Variants in CCSER1 observed in about 807,000 individuals in gnomAD.
CCSER1 encodes the protein coiled-coil serine rich protein 1, also known as serine-rich coiled-coil domain-containing protein 1.
In CCSER1, 41 loss-of-function variants were observed where a neutral mutation model predicts 82.0. The ratio of observed to expected loss-of-function variants is 0.50; its 90% confidence interval spans 0.39 to 0.65. CCSER1 has a LOEUF of 0.65. Among genes scored for constraint, CCSER1 ranks in the 30% least tolerant of loss-of-function variants. The pLI, the probability that CCSER1 is intolerant of heterozygous loss-of-function variation, is 0.00. For synonymous variants in CCSER1, 414 were observed against 383.9 expected (o/e 1.08, Z -0.92); for missense variants, 1,119 against 1,064.2 (o/e 1.05, Z -0.72).
intron 10 of CCSER1, among the ~76,000 whole-genome samples, chr4:91,253,023 A>T (rs11929906): frequency 6.6e-6 from 1 of 152,120 alleles, no homozygotes; most frequent in East Asian, 1.9e-4. Context: ...ACTAAAAAAA[A>T]AAAGAGGGTG....
chr4:91,502,390 G>C (rs1351319203), intron 10 of CCSER1, among the ~76,000 whole-genome samples: 1 of 151,502 alleles, frequency 6.6e-6, no homozygotes, highest in African/African-American at 2.4e-5. Context: ...CCTATATTAA[G>C]TGAAAAAAAT....
At chr4:90,477,601 T>C (rs1030760037) in intron 5 of CCSER1, among the ~76,000 whole-genome samples, 1 of 152,100 alleles carries the variant, frequency 6.6e-6, no homozygotes, top group Non-Finnish European at 1.5e-5. Flanking sequence ...ATTCACAATA[T>C]GTGATTATTT....
intron 9 of CCSER1, among the ~76,000 whole-genome samples, chr4:91,063,217 A>G (rs1160897629): frequency 2.6e-5 from 4 of 152,084 alleles, no homozygotes; most frequent in Non-Finnish European, 5.9e-5. Flanking sequence ...ACTTTGCTTA[A>G]TCCTTGCTTA....
intron 1 of CCSER1, among the ~76,000 whole-genome samples, chr4:90,183,527 C>T (rs185890726): frequency 6.6e-6 from 1 of 152,194 alleles, no homozygotes; most frequent in Admixed American, 6.6e-5. Context: ...CAGTGCTGCT[C>T]TCCCACAGTG....
At chr4:90,766,037 GA>G (rs11432059) in intron 7 of CCSER1, among the ~76,000 whole-genome samples, 4 of 151,572 alleles carry the variant, frequency 2.6e-5, no homozygotes, top group African/African-American at 7.3e-5. Context: ...GGCATTGTAG[GA>G]AAAAAAAGGG....
chr4:90,170,774 A>T (rs532677301), intron 1 of CCSER1, among the ~76,000 whole-genome samples: 1 of 151,990 alleles, frequency 6.6e-6, no homozygotes, highest in Admixed American at 6.6e-5. Context: ...CTTTTGATGG[A>T]CATTTAGTTT....
chr4:91,003,397 TGAG>T (rs1738218007), intron 9 of CCSER1, among the ~76,000 whole-genome samples: 1 of 152,064 alleles, frequency 6.6e-6, no homozygotes. Context: ...TGGGTCTTAC[TGAG>T]GCTGCTGTGG....
chr4:90,994,558 A>G (rs1418229298), intron 9 of CCSER1, among the ~76,000 whole-genome samples: 1 of 151,314 alleles, frequency 6.6e-6, no homozygotes, highest in African/African-American at 2.4e-5. Context: ...TTATTTTATT[A>G]ATCCTCACAA....
At chr4:90,222,412 G>A (rs369123360) in intron 1 of CCSER1, among the ~76,000 whole-genome samples, 1 of 152,236 alleles carries the variant, frequency 6.6e-6, no homozygotes. Context: ...TATGTGCATA[G>A]TTCACAAGAT....
chr4:90,894,335 A>G (rs1180706471), intron 8 of CCSER1, among the ~76,000 whole-genome samples: 6 of 152,076 alleles, frequency 3.9e-5, no homozygotes, highest in Admixed American at 3.9e-4. Flanking sequence ...AAAACAATAC[A>G]GCAGTCAAAG....
chr4:90,350,951 A>G (rs1743320928), intron 3 of CCSER1, among the ~76,000 whole-genome samples: 1 of 152,192 alleles, frequency 6.6e-6, no homozygotes, highest in Non-Finnish European at 1.5e-5. Flanking sequence ...ATTGCACTGC[A>G]ATAAAATATC....
At chr4:91,516,422 T>C (rs1216185719) in intron 10 of CCSER1, among the ~76,000 whole-genome samples, 1 of 152,192 alleles carries the variant, frequency 6.6e-6, no homozygotes, top group Non-Finnish European at 1.5e-5. Context: ...ATCTTCTGCA[T>C]ATGGCTAGAC....
At chr4:90,541,003 A>G (rs936928279) in intron 5 of CCSER1, among the ~76,000 whole-genome samples, 4 of 152,164 alleles carry the variant, frequency 2.6e-5, no homozygotes, top group African/African-American at 9.6e-5. Flanking sequence ...ATTTTCACTA[A>G]GTTCACTATT....
chr4:90,390,767 T>C (rs1412712990), intron 3 of CCSER1, among the ~76,000 whole-genome samples: 1 of 152,196 alleles, frequency 6.6e-6, no homozygotes, highest in Non-Finnish European at 1.5e-5. Flanking sequence ...TATATCTTTT[T>C]GGTAGAATTA....
rs369663092 is a variant in CCSER1, at chr4:91,571,421, G to T, written c.2218-27151G>T. Among the ~76,000 whole-genome samples, 55 of 152,240 alleles carry T rather than the reference G, an allele frequency of 3.6e-4. 2 individuals are homozygous for T. Among genetic ancestry groups the T allele is most frequent in the African/African-American group, 1.3e-3 (55 of 41,540 alleles). ...GCTATCAAGAAATATCTGAGACTGG[G>T]TAATTTATAAAGAAAAGAGATTTAA... On this transcript the variant is annotated intron_variant, in intron 10 of 10. Coordinates refer to ENST00000509176, the MANE Select transcript of CCSER1 (RefSeq NM_001145065.2).
intron 4 of CCSER1, among the ~76,000 whole-genome samples, chr4:90,441,196 C>T (rs1759829663): frequency 6.6e-6 from 1 of 152,070 alleles, no homozygotes; most frequent in Non-Finnish European, 1.5e-5. Flanking sequence ...ATCTAGACAC[C>T]TGAATACTTG....
At chr4:91,317,620 G>GTGTGTGTGTGTGTGCA (rs1745926021) in intron 10 of CCSER1, among the ~76,000 whole-genome samples, 1 of 150,800 alleles carries the variant, frequency 6.6e-6, no homozygotes, top group Admixed American at 6.6e-5. Context: ...GTGTGTGTGC[G>GTGTGTGTGTGTGTGCA]CATGTGGGTG....
rs754449405 is a variant in CCSER1, at chr4:90,468,222, T to G, written c.1604-12T>G. 1.3e-6 allele frequency: 2 copies of G among 1,581,006 alleles called. No homozygotes were observed. The highest frequency in any genetic ancestry group is 1.7e-5 in the Admixed American group (1 of 57,434). ...ATTTTGACATTTACAATTCCTCGGT[T>G]TTTTTGAACAGTTTGCCGGGAGGAC... On this transcript the variant is annotated splice_polypyrimidine_tract_variant and intron_variant, in intron 4 of 10. Coordinates refer to ENST00000509176, the MANE Select transcript of CCSER1 (RefSeq NM_001145065.2).
intron 10 of CCSER1, among the ~76,000 whole-genome samples, chr4:91,206,842 T>G (rs1007064652): frequency 6.6e-6 from 1 of 151,916 alleles, no homozygotes; most frequent in Non-Finnish European, 1.5e-5. Context: ...TGCTGAATTA[T>G]TTTTGATTTG....
Sources: allele counts gnomAD v4.1 joint callset (sites outside exome capture counted in the v4.1 genomes callset), GRCh38; gene constraint gnomAD v4.1.1; transcripts MANE v1.5; gene names NCBI Gene and HGNC (gene_info 2026-07-23, HGNC 2026-07-21).